The following ZBTB44 variants were observed in gnomAD, a reference collection of about 807,000 sequenced individuals.
The protein encoded by ZBTB44 is zinc finger and BTB domain-containing protein 44.
In ZBTB44, 15 loss-of-function variants were observed where a neutral mutation model predicts 54.0. The ratio of observed to expected loss-of-function variants is 0.28; its 90% CI spans 0.19 to 0.43. The LOEUF is 0.43. Ranked by LOEUF, ZBTB44 falls within the 20% of genes least tolerant of loss-of-function variation. The pLI, the probability that ZBTB44 is intolerant of heterozygous loss-of-function variation, is 1.00. For synonymous variants in ZBTB44, 230 were observed against 250.1 expected, an observed-to-expected ratio of 0.92 and a Z score of 0.76; for missense variants, 487 against 707.1, an observed-to-expected ratio of 0.69 and a Z score of 3.53.
intron 1 of ZBTB44, among the ~76,000 whole-genome samples, chr11:130,313,898 A>C (rs1454408830): frequency 6.7e-6 from 1 of 150,158 alleles, no homozygotes; most frequent in Non-Finnish European, 1.5e-5. Context: ...CAGGAAGGAA[A>C]GGAAAAGAGG....
intron 1 of ZBTB44, among the ~76,000 whole-genome samples, chr11:130,288,059 CAT>C (rs757479042): frequency 6.5e-4 from 99 of 152,012 alleles, no homozygotes; most frequent in East Asian, 1.2e-3. Flanking sequence ...TGAATTCTCA[CAT>C]GTGTTAAGTC....
At chr11:130,293,777 CA>C (rs1941458389) in intron 1 of ZBTB44, among the ~76,000 whole-genome samples, 1 of 151,984 alleles carries the variant, frequency 6.6e-6, no homozygotes, top group African/African-American at 2.4e-5. Context: ...GCCTGGGCAA[CA>C]AAAGCGAAAT....
chr11:130,243,145 A>C (rs1207576034), intron 2 of ZBTB44, among the ~76,000 whole-genome samples: 4 of 152,228 alleles, frequency 2.6e-5, no homozygotes, highest in African/African-American at 9.7e-5. Context: ...TATTTTGTTA[A>C]ATACAGTAAG....
rs1953778483 is a variant in ZBTB44, at chr11:130,228,911, T to C, written c.*2853A>G. On this transcript the variant is annotated 3_prime_UTR_variant, in exon 8 of 8. Coordinates refer to ENST00000357899, the MANE Select transcript of ZBTB44 (RefSeq NM_001301098.2). ...CGAGAAAGGAACTAATAAAAGAATTTGACTTTATAAACCAGGTACTTTGAA... is the reference window on the plus strand; with the variant it reads ...CGAGAAAGGAACTAATAAAAGAATTCGACTTTATAAACCAGGTACTTTGAA... 6.6e-6 allele frequency: 1 copy of C among 152,222 alleles called. No individual in the cohort carries two copies. 9.4% of individuals were successfully genotyped at this position (152,222 alleles called of 1,614,324 possible).
chr11:130,228,854 T>C lies in ZBTB44; in HGVS notation c.*2910A>G, dbSNP rs759966670. On this transcript the variant is annotated 3_prime_UTR_variant, in exon 8 of 8. Coordinates refer to ENST00000357899, the MANE Select transcript of ZBTB44 (RefSeq NM_001301098.2). ...ATCGCCACAACCGTGCCTGGGACTT[T>C]AAGCTTCATCAGCAACATCAGTCAA... 6.6e-6 allele frequency: 1 copy of C among 152,250 alleles called. No homozygotes were observed. Among genetic ancestry groups the C allele is most frequent in the Non-Finnish European group, 1.5e-5 (1 of 68,048 alleles). The allele number at this position is 152,250 out of a possible 1,614,324, so 9.4% of individuals were successfully genotyped here. A position where few individuals can be genotyped will look rare whatever the true frequency, so the allele number is the denominator to read the frequency against.
intron 1 of ZBTB44, among the ~76,000 whole-genome samples, chr11:130,263,559 A>G (rs915150039): frequency 2.0e-5 from 3 of 152,244 alleles, no homozygotes; most frequent in Admixed American, 6.5e-5. Flanking sequence ...GTGTGAAGGC[A>G]AGAAATTAAA....
At chr11:130,266,732 T>C (rs1295439116) in intron 1 of ZBTB44, among the ~76,000 whole-genome samples, 1 of 152,190 alleles carries the variant, frequency 6.6e-6, no homozygotes, top group Non-Finnish European at 1.5e-5. Flanking sequence ...GCAAGAGAAC[T>C]AGAATTCAAA....
In ZBTB44 at chr11:130,281,743, C is replaced by T. The variant is rs546927495; in HGVS notation, c.-56-19814G>A. On this transcript the variant is annotated intron_variant, in intron 1 of 7. Coordinates refer to ENST00000357899, the MANE Select transcript of ZBTB44 (RefSeq NM_001301098.2). ...CCAAGTAGCTGGGACTACAGGCTCC[C>T]GCCACCACACCCAGCTAATTTTTTG... 1.1e-4 allele frequency among the ~76,000 whole-genome samples: 16 copies of T among 152,040 alleles called. No homozygotes were observed. In the East Asian group the frequency reaches 2.1e-3, roughly 20 times the overall value.
intron 3 of ZBTB44, chr11:130,239,395 T>C (rs753075522): frequency 6.3e-5 from 10 of 158,240 alleles, no homozygotes; most frequent in Admixed American, 1.2e-4. Context: ...CAGATGTTTT[T>C]CACAGCAGTC....
At chr11:130,297,454 A>G (rs925863324) in intron 1 of ZBTB44, among the ~76,000 whole-genome samples, 8 of 152,220 alleles carry the variant, frequency 5.3e-5, no homozygotes, top group Non-Finnish European at 8.8e-5. Context: ...AACTTTATAT[A>G]TGTCTTGGTA....
intron 2 of ZBTB44, among the ~76,000 whole-genome samples, chr11:130,243,209 T>G (rs1305614435): frequency 6.6e-6 from 1 of 152,262 alleles, no homozygotes; most frequent in Non-Finnish European, 1.5e-5. Context: ...AATGCCAATA[T>G]ATTTCTGCTG....
At chr11:130,303,809 G>C (rs1340480316) in intron 1 of ZBTB44, among the ~76,000 whole-genome samples, 2 of 151,584 alleles carry the variant, frequency 1.3e-5, no homozygotes, top group African/African-American at 4.8e-5. Context: ...TATAAGGAAA[G>C]TATTAAAAGG....
chr11:130,245,604 T>C (rs1245687078), intron 2 of ZBTB44, among the ~76,000 whole-genome samples: 1 of 151,908 alleles, frequency 6.6e-6, no homozygotes, highest in East Asian at 1.9e-4. Flanking sequence ...TGGCATCTGC[T>C]TCTCACTATC....
At chr11:130,305,151 T>C (rs1042541823) in intron 1 of ZBTB44, among the ~76,000 whole-genome samples, 1 of 152,132 alleles carries the variant, frequency 6.6e-6, no homozygotes, top group Non-Finnish European at 1.5e-5. Flanking sequence ...CATGGATGGG[T>C]AGAATCAATA....
intron 3 of ZBTB44, 98 bp from the exon 4 acceptor site, chr11:130,238,705 T>TA (rs1246249603): frequency 4.0e-6 from 5 of 1,249,406 alleles, no homozygotes; most frequent in South Asian, 3.9e-5. Flanking sequence ...ATAAAACACT[T>TA]AAAGACTTTT....
chr11:130,296,409 A>G, intron 1 of ZBTB44: 1 of 1,492,382 alleles, frequency 6.7e-7, no homozygotes, highest in Non-Finnish European at 9.0e-7. Context: ...CGTCTTGGCC[A>G]TTCATGGAAA....
At chr11:130,273,307 ATTT>A (rs34506406) in intron 1 of ZBTB44, among the ~76,000 whole-genome samples, 3 of 126,306 alleles carry the variant, frequency 2.4e-5, no homozygotes, top group Non-Finnish European at 4.8e-5. Flanking sequence ...TATTTTCTTA[ATTT>A]TTTTTTTTTT....
intron 1 of ZBTB44, among the ~76,000 whole-genome samples, chr11:130,282,342 T>C (rs1183932080): frequency 6.6e-6 from 1 of 152,198 alleles, no homozygotes; most frequent in Non-Finnish European, 1.5e-5. Context: ...ACTGTTCTAC[T>C]TTCTGTCTCT....
chr11:130,229,401 C>T lies in ZBTB44; in HGVS notation c.*2363G>A, dbSNP rs1020597902. 7 of 152,186 alleles carry T rather than the reference C, an allele frequency of 4.6e-5. No individual in the cohort carries two copies. The highest frequency in any genetic ancestry group is 1.9e-4 in the East Asian group (1 of 5,184). The allele number at this position is 152,186 out of a possible 1,614,324, so 9.4% of individuals were successfully genotyped here. A position where few individuals can be genotyped will look rare whatever the true frequency, so the allele number is the denominator to read the frequency against. The stretch of plus-strand genomic sequence containing the variant: ...CGTCTAAAATGAAACATCCAGAGAG[C>T]GACTGTTCTTAGTTGAGCCTGGGAT... On this transcript the variant is annotated 3_prime_UTR_variant, in exon 8 of 8. Coordinates refer to ENST00000357899, the MANE Select transcript of ZBTB44 (RefSeq NM_001301098.2).
Sources: gnomAD v4.1 joint callset for allele counts (sites outside exome capture counted in the v4.1 genomes callset) on GRCh38, gnomAD v4.1.1 for gene constraint, MANE v1.5 for transcripts, NCBI Gene and HGNC (gene_info 2026-07-23, HGNC 2026-07-21) for gene names.